The following SCGN variants were observed in gnomAD, a reference collection of about 807,000 sequenced individuals.
The protein encoded by SCGN is secretagogin.
Under a neutral mutation model 39.7 loss-of-function variants are expected in SCGN, and 30 were observed. The ratio of observed to expected loss-of-function variants is 0.76; its 90% confidence interval spans 0.57 to 1.03. The LOEUF is 1.03. Ranked by LOEUF, SCGN falls within the 50% of genes least tolerant of loss-of-function variation. SCGN has a pLI of 0.00. For missense variants in SCGN, 353 were observed against 349.4 expected, an observed-to-expected ratio of 1.01 and a Z score of -0.08; for synonymous variants, 106 against 114.1, an observed-to-expected ratio of 0.93 and a Z score of 0.45.
At chr6:25,698,527 G>A (rs1759866293) in intron 10 of SCGN, among the ~76,000 whole-genome samples, 1 of 152,212 alleles carries the variant, frequency 6.6e-6, no homozygotes, top group South Asian at 2.1e-4. Context: ...TTACCAACAA[G>A]TCACTGAAGA....
At chr6:25,661,756 T>G (rs114159556) in intron 3 of SCGN, 112 bp downstream of exon 3, 8,737 of 706,438 alleles carry the variant, frequency 0.012, 98 homozygotes, top group Non-Finnish European at 0.017. Context: ...ACTTTACATT[T>G]GATCAGGAAA....
At chr6:25,666,294 G>A (rs1333793121) in intron 4 of SCGN, among the ~76,000 whole-genome samples, 1 of 151,952 alleles carries the variant, frequency 6.6e-6, no homozygotes, top group Non-Finnish European at 1.5e-5. Flanking sequence ...AGGCGGAGTT[G>A]TAGTGAGCAT....
At chr6:25,667,118 T>C (rs1318517744) in intron 4 of SCGN, among the ~76,000 whole-genome samples, 1 of 152,320 alleles carries the variant, frequency 6.6e-6, no homozygotes, top group East Asian at 1.9e-4. Flanking sequence ...TTTCTTTTTG[T>C]ATTTCATTAA....
At chr6:25,695,850 C>T (rs553892596) in intron 10 of SCGN, among the ~76,000 whole-genome samples, 3 of 152,118 alleles carry the variant, frequency 2.0e-5, no homozygotes, top group Admixed American at 6.5e-5. Flanking sequence ...TTTTAACAGC[C>T]CGTAGCTCAC....
chr6:25,657,274 G>A (rs370640822), intron 2 of SCGN, among the ~76,000 whole-genome samples: 23 of 152,196 alleles, frequency 1.5e-4, no homozygotes, highest in Middle Eastern at 3.4e-3. Flanking sequence ...ACTCATGGTC[G>A]GTGGGGAAAG....
intron 10 of SCGN, among the ~76,000 whole-genome samples, chr6:25,699,234 G>C (rs1381853331): frequency 1.3e-5 from 2 of 152,034 alleles, no homozygotes; most frequent in East Asian, 3.9e-4. Flanking sequence ...TTTAAATTTA[G>C]ATTTGTGAAC....
At position 25,653,447 on chromosome 6, in the gene SCGN, A is replaced by G. The variant is rs764998277; in HGVS notation, c.148A>G (p.Thr50Ala). 1 of 1,611,670 alleles carries G rather than the reference A, an allele frequency of 6.2e-7. No individual in the cohort carries two copies. Among genetic ancestry groups the G allele is most frequent in the Non-Finnish European group, 8.5e-7 (1 of 1,178,050 alleles). ...TCTCCACATGTTGATGAAACTGGGTACTGATGTAAGTACTTGCACACTAAG... is the reference window on the plus strand; with the variant it reads ...TCTCCACATGTTGATGAAACTGGGTGCTGATGTAAGTACTTGCACACTAAG... ...FFLHMLMKLGTDDTVMKANLH... is the reference protein window; with the variant it reads ...FFLHMLMKLGADDTVMKANLH... The change falls in exon 2 of 11, where the codon ACT becomes GCT. Residue 50 changes from threonine to alanine, a missense_variant. Thr to Ala is a moderately conservative substitution (Grantham distance 58). Transcript: ENST00000377961.
chr6:25,666,171 C>T (rs1202139581), intron 4 of SCGN, among the ~76,000 whole-genome samples: 1 of 119,014 alleles, frequency 8.4e-6, no homozygotes, highest in East Asian at 2.4e-4. Flanking sequence ...GAAACCCCAT[C>T]TCTACTAAAA....
intron 10 of SCGN, 67 bp from the exon 11 acceptor site, chr6:25,701,140 G>C: frequency 1.3e-6 from 2 of 1,537,694 alleles, no homozygotes; most frequent in Non-Finnish European, 1.8e-6. Flanking sequence ...GGGAGCATCA[G>C]AGAGGGTGTT....
rs564809120 is a variant in SCGN at position 25,701,435 on chromosome 6, C to G, written c.*100C>G. On this transcript the variant is annotated 3_prime_UTR_variant, in exon 11 of 11. Coordinates refer to ENST00000377961, the MANE Select transcript of SCGN (RefSeq NM_006998.4). ...GTTGGGAACACAGTGGGCAAACTCA[C>G]AAATGGTGTGCTATTCTTGGGCAAG... 1.4e-6 allele frequency: 2 copies of G among 1,456,628 alleles called. No individual in the cohort carries two copies. Among genetic ancestry groups the G allele is most frequent in the East Asian group, 4.7e-5 (2 of 42,462 alleles). 90.2% of individuals were successfully genotyped at this position (1,456,628 alleles called of 1,614,324 possible).
rs777659499 is a variant in SCGN, at chr6:25,681,906, T to A, written c.472-45T>A. Reference sequence around the variant, plus strand: ...AAAAGTGCTTTAATAACGTTCAGAATTAGTTCCTGTTACAAGTACAACCAT... The same window carrying A: ...AAAAGTGCTTTAATAACGTTCAGAAATAGTTCCTGTTACAAGTACAACCAT... On this transcript the variant is annotated intron_variant, in intron 6 of 10. Transcript: ENST00000377961. 2.0e-6 allele frequency: 3 copies of A among 1,488,224 alleles called. No individual in the cohort carries two copies. In the African/African-American group the frequency reaches 4.1e-5, roughly 21 times the overall value. 92.2% of individuals were successfully genotyped at this position (1,488,224 alleles called of 1,614,324 possible).
At chr6:25,661,111 C>T (rs146322234) in intron 2 of SCGN, among the ~76,000 whole-genome samples, 80 of 152,130 alleles carry the variant, frequency 5.3e-4, no homozygotes, top group African/African-American at 1.9e-3. Flanking sequence ...TCAGAGAATA[C>T]AAAAGAAGAT....
Position 25,681,827 on chromosome 6 carries a change from C to T in SCGN, c.472-124C>T. The T allele has an allele frequency of 9.6e-6, 7 of 728,532 alleles. No homozygotes were observed. The South Asian group carries it at 1.1e-4, about 11-fold the overall frequency. 45.1% of individuals were successfully genotyped at this position (728,532 alleles called of 1,614,324 possible). ...TGACAAATACTAATTTTCCCCCAGG[C>T]AAGTGGGCTCCTCAGCCAATTTAGG... On this transcript the variant is annotated intron_variant, in intron 6 of 10. Coordinates refer to ENST00000377961, the MANE Select transcript of SCGN (RefSeq NM_006998.4).
chr6:25,685,434 C>T (rs1582585714), intron 7 of SCGN, among the ~76,000 whole-genome samples: 1 of 152,160 alleles, frequency 6.6e-6, no homozygotes, highest in Non-Finnish European at 1.5e-5. Flanking sequence ...TGCCTGGTGC[C>T]TGCAAATACT....
chr6:25,665,459 A>G (rs1219831302), intron 4 of SCGN, among the ~76,000 whole-genome samples: 2 of 152,254 alleles, frequency 1.3e-5, no homozygotes, highest in African/African-American at 2.4e-5. Flanking sequence ...TTTTGAAGGC[A>G]TGATGATACA....
chr6:25,699,808 C>T (rs1759885835), intron 10 of SCGN, among the ~76,000 whole-genome samples: 1 of 151,950 alleles, frequency 6.6e-6, no homozygotes, highest in African/African-American at 2.4e-5. Context: ...AGAGCTGAGT[C>T]CTGATTGGTT....
intron 6 of SCGN, among the ~76,000 whole-genome samples, chr6:25,674,498 A>G (rs907643202): frequency 8.5e-5 from 13 of 152,220 alleles, no homozygotes; most frequent in Non-Finnish European, 1.0e-4. Context: ...GAGCTCTCAT[A>G]CACCAAGCGT....
intron 7 of SCGN, among the ~76,000 whole-genome samples, chr6:25,682,843 A>C (rs1294039564): frequency 1.3e-5 from 2 of 152,224 alleles, no homozygotes; most frequent in Non-Finnish European, 2.9e-5. Context: ...CGACAAAGTC[A>C]CAAGAAGATG....
At chr6:25,699,664 G>C (rs577237263) in intron 10 of SCGN, among the ~76,000 whole-genome samples, 30 of 151,640 alleles carry the variant, frequency 2.0e-4, no homozygotes, top group Non-Finnish European at 4.1e-4. Context: ...CCAGGGTGCA[G>C]AGAACAAAAG....
Sources: gnomAD v4.1 joint callset for allele counts (sites outside exome capture counted in the v4.1 genomes callset) on GRCh38, gnomAD v4.1.1 for gene constraint, MANE v1.5 for transcripts, NCBI Gene and HGNC (gene_info 2026-07-23, HGNC 2026-07-21) for gene names.